Variants in ZNF385D observed in about 807,000 individuals in gnomAD.
ZNF385D encodes the protein zinc finger protein 385D, also known as zinc finger protein 659.
In ZNF385D, 15 loss-of-function variants were observed where a neutral mutation model predicts 35.8. That is an observed-to-expected ratio of 0.42 (90% CI 0.28 to 0.64). The LOEUF is 0.64. Among genes scored for constraint, ZNF385D ranks in the 30% least tolerant of loss-of-function variants. The pLI is 0.23. For missense variants in ZNF385D, 474 were observed against 494.6 expected (o/e 0.96, Z 0.39); for synonymous variants, 212 against 186.8 (o/e 1.13, Z -1.10).
intron 3 of ZNF385D, among the ~76,000 whole-genome samples, chr3:22,115,595 G>A (rs1053955986): frequency 2.6e-5 from 4 of 152,058 alleles, no homozygotes; most frequent in African/African-American, 9.7e-5. Context: ...ATTATATGTT[G>A]TCAGTTACAT....
intron 3 of ZNF385D, among the ~76,000 whole-genome samples, chr3:21,776,650 A>C (rs1477509866): frequency 6.6e-6 from 1 of 152,014 alleles, no homozygotes; most frequent in East Asian, 1.9e-4. Flanking sequence ...TAACTAAAAA[A>C]TAAACTTTAT....
chr3:21,989,670 C>CAAT (rs754733556), intron 3 of ZNF385D, among the ~76,000 whole-genome samples: 46 of 139,108 alleles, frequency 3.3e-4, no homozygotes, highest in Non-Finnish European at 5.8e-4. Context: ...TTTCTTTCCA[C>CAAT]AATAATAATA....
chr3:21,952,843 C>A (rs896954556), intron 3 of ZNF385D, among the ~76,000 whole-genome samples: 1 of 151,900 alleles, frequency 6.6e-6, no homozygotes, highest in Non-Finnish European at 1.5e-5. Context: ...TTATATCATA[C>A]ATAAACTAAA....
chr3:22,328,005 A>G (rs766317581), intron 2 of ZNF385D, among the ~76,000 whole-genome samples: 1 of 152,082 alleles, frequency 6.6e-6, no homozygotes, highest in Non-Finnish European at 1.5e-5. Flanking sequence ...AAATATACAC[A>G]TTATTTTCTA....
At chr3:22,077,992 G>C (rs1030745738) in intron 3 of ZNF385D, among the ~76,000 whole-genome samples, 1 of 151,800 alleles carries the variant, frequency 6.6e-6, no homozygotes, top group African/African-American at 2.4e-5. Context: ...ACAAAAATTG[G>C]GTTGGCCAAA....
intron 3 of ZNF385D, among the ~76,000 whole-genome samples, chr3:21,783,435 C>T (rs991467230): frequency 6.6e-5 from 10 of 152,068 alleles, no homozygotes; most frequent in African/African-American, 9.7e-5. Flanking sequence ...CCTTCTCCTA[C>T]GAAGACATTT....
Position 21,743,788 on chromosome 3 carries a change from C to A in ZNF385D, c.22+7107G>T, listed in dbSNP as rs149283610. Among the ~76,000 whole-genome samples the A allele has an allele frequency of 3.1e-4, 47 of 152,314 alleles. 1 individual carries two copies. In the East Asian group the frequency reaches 8.9e-3, roughly 29 times the overall value. On this transcript the variant is annotated intron_variant, in intron 1 of 7. Transcript: ENST00000281523. ...AGGGACACAAACATTCAGTCCATAA[C>A]ACCGATGCATGCCTTCTAAGCAGAA...
rs1700685992 is a variant in ZNF385D at position 21,420,449 on chromosome 3, A to G, written c.*765T>C. The G allele has an allele frequency of 6.6e-6, 1 of 152,188 alleles. No individual in the cohort carries two copies. 9.4% of individuals were successfully genotyped at this position (152,188 alleles called of 1,614,324 possible). A position where few individuals can be genotyped will look rare whatever the true frequency, so the allele number is the denominator to read the frequency against. ...CTTCAGGGTGGGAAGTTACTACTTT[A>G]TAAGAAATCACCTTTATTAATGCCT... On this transcript the variant is annotated 3_prime_UTR_variant, in exon 8 of 8. Transcript: ENST00000281523.
chr3:22,033,898 T>G (rs1186672594), intron 3 of ZNF385D, among the ~76,000 whole-genome samples: 1 of 152,194 alleles, frequency 6.6e-6, no homozygotes, highest in Non-Finnish European at 1.5e-5. Flanking sequence ...TTCATCCTAC[T>G]TCACCCAGTA....
At chr3:21,988,595 G>T (rs1219043248) in intron 3 of ZNF385D, among the ~76,000 whole-genome samples, 1 of 150,836 alleles carries the variant, frequency 6.6e-6, no homozygotes, top group Non-Finnish European at 1.5e-5. Context: ...GGACATTTAA[G>T]TCTGCAGAGG....
chr3:22,234,486 T>G (rs1377155605), intron 2 of ZNF385D, among the ~76,000 whole-genome samples: 1 of 151,662 alleles, frequency 6.6e-6, no homozygotes, highest in East Asian at 2.0e-4. Flanking sequence ...TGCCCTAGAT[T>G]TTTTTTTTCG....
chr3:22,158,432 C>G (rs1203475487), intron 3 of ZNF385D, among the ~76,000 whole-genome samples: 2 of 152,006 alleles, frequency 1.3e-5, no homozygotes, highest in Non-Finnish European at 2.9e-5. Flanking sequence ...TTCTTTTACT[C>G]TTCCAGAAAT....
intron 1 of ZNF385D, among the ~76,000 whole-genome samples, chr3:21,680,277 T>C (rs183843263): frequency 2.0e-5 from 3 of 152,142 alleles, no homozygotes; most frequent in African/African-American, 4.8e-5. Flanking sequence ...TCAATAAAAG[T>C]AAATGTGATA....
At chr3:21,719,958 C>G (rs1480601614) in intron 1 of ZNF385D, among the ~76,000 whole-genome samples, 4 of 152,184 alleles carry the variant, frequency 2.6e-5, no homozygotes, top group Admixed American at 2.6e-4. Flanking sequence ...TTTCACTTCT[C>G]TTGGCCTATA....
intron 3 of ZNF385D, among the ~76,000 whole-genome samples, chr3:21,528,745 A>G (rs963231888): frequency 2.0e-5 from 3 of 152,204 alleles, no homozygotes; most frequent in Admixed American, 6.5e-5. Flanking sequence ...GAGTTACATG[A>G]AACTAACAAA....
At chr3:21,808,542 T>G (rs988551083) in intron 3 of ZNF385D, among the ~76,000 whole-genome samples, 16 of 152,174 alleles carry the variant, frequency 1.1e-4, no homozygotes, top group African/African-American at 3.9e-4. Flanking sequence ...CTGTTGACCC[T>G]CTTTGCCTTG....
intron 3 of ZNF385D, among the ~76,000 whole-genome samples, chr3:22,155,315 T>TC (rs1386437914): frequency 6.6e-6 from 1 of 152,098 alleles, no homozygotes; most frequent in Non-Finnish European, 1.5e-5. Flanking sequence ...TGATTTTTTT[T>TC]CCATCAGAAA....
chr3:22,034,076 A>C (rs1419855375), intron 3 of ZNF385D, among the ~76,000 whole-genome samples: 1 of 152,168 alleles, frequency 6.6e-6, no homozygotes, highest in Non-Finnish European at 1.5e-5. Context: ...TTATCAGGAT[A>C]GTACATTATA....
intron 1 of ZNF385D, among the ~76,000 whole-genome samples, chr3:21,749,685 C>T (rs894033578): frequency 1.3e-5 from 2 of 152,122 alleles, no homozygotes; most frequent in African/African-American, 4.8e-5. Flanking sequence ...TATTTTAAGA[C>T]TTCTCTTCTA....
Sources: allele counts gnomAD v4.1 joint callset (sites outside exome capture counted in the v4.1 genomes callset), GRCh38; gene constraint gnomAD v4.1.1; transcripts MANE v1.5; gene names NCBI Gene and HGNC (gene_info 2026-07-23, HGNC 2026-07-21).